Variants in RPTOR observed in about 807,000 individuals in gnomAD.
The protein encoded by RPTOR is regulatory associated protein of MTOR complex 1.
RPTOR carries 21 observed loss-of-function variants against 169.9 expected under a neutral mutation model. The observed-to-expected ratio is 0.12, with a 90% CI of 0.09 to 0.18. The LOEUF is 0.18. Among genes scored for constraint, RPTOR ranks in the 10% least tolerant of loss-of-function variants. The pLI, the probability that RPTOR is intolerant of heterozygous loss-of-function variation, is 1.00. For missense variants in RPTOR, 1,133 were observed against 1,855.9 expected (o/e 0.61, Z 7.16); for synonymous variants, 732 against 753.2 (o/e 0.97, Z 0.46).
intron 13 of RPTOR, among the ~76,000 whole-genome samples, chr17:80,865,647 A>G (rs573272270): frequency 7.2e-5 from 11 of 152,266 alleles, no homozygotes; most frequent in African/African-American, 2.6e-4. Context: ...TAGAGTTTCA[A>G]AATACATCCA....
intron 4 of RPTOR, among the ~76,000 whole-genome samples, chr17:80,717,551 TC>T (rs1567872925): frequency 6.6e-6 from 1 of 152,140 alleles, no homozygotes; most frequent in Non-Finnish European, 1.5e-5. Context: ...CGCGTGTTCT[TC>T]CAGATCTAGA....
At chr17:80,571,029 AACGCCAG>A (rs2064899846) in intron 1 of RPTOR, among the ~76,000 whole-genome samples, 1 of 152,334 alleles carries the variant, frequency 6.6e-6, no homozygotes. Context: ...TGGGCTTTAT[AACGCCAG>A]GTAGGTCAGA....
At chr17:80,716,908 A>G (rs2066243573) in intron 4 of RPTOR, among the ~76,000 whole-genome samples, 2 of 152,074 alleles carry the variant, frequency 1.3e-5, no homozygotes, top group South Asian at 2.1e-4. Flanking sequence ...TGAGTTCTCT[A>G]TTGTGTTCCG....
At chr17:80,948,244 C>T (rs918347100) in intron 27 of RPTOR, among the ~76,000 whole-genome samples, 1 of 152,244 alleles carries the variant, frequency 6.6e-6, no homozygotes, top group Non-Finnish European at 1.5e-5. Flanking sequence ...CTGACAAGTG[C>T]GCAGCCCTCT....
chr17:80,884,006 C>T (rs771967672), intron 16 of RPTOR, 34 bp downstream of exon 16: 3 of 1,589,046 alleles, frequency 1.9e-6, no homozygotes, highest in East Asian at 4.5e-5. Context: ...TCCAGTCCTC[C>T]TGGCTGCCGA....
chr17:80,598,928 CTTTT>C (rs1450037166), intron 1 of RPTOR, among the ~76,000 whole-genome samples: 1 of 150,288 alleles, frequency 6.7e-6, no homozygotes, highest in South Asian at 2.1e-4. Context: ...ATCTATCTAT[CTTTT>C]TGAGACTGGG....
chr17:80,705,403 A>C (rs969927714), intron 3 of RPTOR, among the ~76,000 whole-genome samples: 4 of 152,168 alleles, frequency 2.6e-5, no homozygotes, highest in Non-Finnish European at 5.9e-5. Context: ...TGGTTCTCTA[A>C]TGGGCTTTGC....
At chr17:80,731,337 A>G (rs2066391360) in intron 5 of RPTOR, among the ~76,000 whole-genome samples, 1 of 152,122 alleles carries the variant, frequency 6.6e-6, no homozygotes, top group Non-Finnish European at 1.5e-5. Flanking sequence ...TTTAGGAGAA[A>G]TGGACCCACA....
Position 80,545,570 on chromosome 17 carries a change from T to G in RPTOR, c.-60T>G. ...CACCAATTCTGGTACACGCTAGTTTTTAAGGCTGGAGGTTCTCGAGCGCTT... is the reference window on the plus strand; with the variant it reads ...CACCAATTCTGGTACACGCTAGTTTGTAAGGCTGGAGGTTCTCGAGCGCTT... On this transcript the variant is annotated 5_prime_UTR_variant, in exon 1 of 34. Transcript: ENST00000306801. 7.4e-7 allele frequency: 1 copy of G among 1,344,528 alleles called. No individual in the cohort carries two copies. The highest frequency in any genetic ancestry group is 1.5e-5 in the African/African-American group (1 of 67,242). 83.3% of individuals were successfully genotyped at this position (1,344,528 alleles called of 1,614,324 possible).
At chr17:80,586,489 G>T (rs1019686786) in intron 1 of RPTOR, among the ~76,000 whole-genome samples, 3 of 152,156 alleles carry the variant, frequency 2.0e-5, no homozygotes, top group Non-Finnish European at 4.4e-5. Flanking sequence ...AAGTAACAAA[G>T]AATTAAAAGG....
chr17:80,661,593 A>G (rs966084905), intron 3 of RPTOR, among the ~76,000 whole-genome samples: 1 of 152,102 alleles, frequency 6.6e-6, no homozygotes. Flanking sequence ...TCTGCTTTTT[A>G]TGTCCGCCGA....
chr17:80,582,734 C>T lies in RPTOR; in HGVS notation c.162+36943C>T, dbSNP rs186523295. Among the ~76,000 whole-genome samples the T allele has an allele frequency of 1.0e-3, 156 of 150,356 alleles. 1 individual carries two copies. The highest frequency in any genetic ancestry group is 1.8e-3 in the Non-Finnish European group (119 of 67,560). On this transcript the variant is annotated intron_variant, in intron 1 of 33. Transcript: ENST00000306801. Reference sequence around the variant, plus strand: ...CTAATTTTTATATTTTCAATAGAGACGGGGTTTCACCATGTTGGCCAGGAT... The same window carrying T: ...CTAATTTTTATATTTTCAATAGAGATGGGGTTTCACCATGTTGGCCAGGAT...
intron 6 of RPTOR, among the ~76,000 whole-genome samples, chr17:80,768,442 A>G (rs745701268): frequency 6.6e-6 from 1 of 152,232 alleles, no homozygotes; most frequent in African/African-American, 2.4e-5. Context: ...GAGCATTCAG[A>G]AAAGAATTAA....
Position 80,685,638 on chromosome 17 carries a change from T to TATTA in RPTOR, c.349-22203_349-22202insATTA, listed in dbSNP as rs1208258080. ...ATATATATATATATATTTTTTTTTTTTTTTTTTTTTTTTTTTTTTGCTGTG... is the reference window on the plus strand; with the variant it reads ...ATATATATATATATATTTTTTTTTTTATTATTTTTTTTTTTTTTTTTTTGCTGTG... On this transcript the variant is annotated intron_variant, in intron 3 of 33. Transcript: ENST00000306801. Among the ~76,000 whole-genome samples, 12 of 88,122 alleles carry TATTA rather than the reference T, an allele frequency of 1.4e-4. 2 individuals are homozygous for TATTA. In the Middle Eastern group the frequency reaches 0.033, roughly 242 times the overall value. The allele number at this position is 88,122 out of a possible 152,430, so 57.8% of individuals were successfully genotyped here.
At chr17:80,939,176 C>T (rs1029023101) in intron 24 of RPTOR, among the ~76,000 whole-genome samples, 2 of 152,188 alleles carry the variant, frequency 1.3e-5, no homozygotes, top group African/African-American at 4.8e-5. Context: ...TAGCAAGGAA[C>T]AGAATTAGCC....
chr17:80,763,429 A>G (rs909364020), intron 6 of RPTOR, among the ~76,000 whole-genome samples: 4 of 152,228 alleles, frequency 2.6e-5, no homozygotes, highest in African/African-American at 9.7e-5. Context: ...GGTAAAACGA[A>G]CAGGAAAGCA....
At chr17:80,605,756 AC>A (rs1267055915) in intron 1 of RPTOR, among the ~76,000 whole-genome samples, 1 of 152,174 alleles carries the variant, frequency 6.6e-6, no homozygotes, top group Non-Finnish European at 1.5e-5. Flanking sequence ...GCAGTCACAG[AC>A]CCATCTGTGC....
At chr17:80,839,843 A>G (rs906590621) in intron 10 of RPTOR, among the ~76,000 whole-genome samples, 4 of 152,196 alleles carry the variant, frequency 2.6e-5, no homozygotes, top group African/African-American at 9.7e-5. Flanking sequence ...CTAAACGAAT[A>G]CTTAGGTTTC....
intron 3 of RPTOR, among the ~76,000 whole-genome samples, chr17:80,682,070 G>A (rs2065902984): frequency 6.6e-6 from 1 of 151,150 alleles, no homozygotes; most frequent in Non-Finnish European, 1.5e-5. Context: ...TCTGGAACCT[G>A]TGAATATTAC....
Sources: gnomAD v4.1 joint callset for allele counts (sites outside exome capture counted in the v4.1 genomes callset) on GRCh38, gnomAD v4.1.1 for gene constraint, MANE v1.5 for transcripts, NCBI Gene and HGNC (gene_info 2026-07-23, HGNC 2026-07-21) for gene names.